PPP1R12A: variants seen among roughly 807,000 people sequenced by gnomAD.
PPP1R12A encodes myosin binding subunit.
Under a neutral mutation model 139.6 loss-of-function variants are expected in PPP1R12A, and 19 were observed. That is an observed-to-expected ratio of 0.14 (90% confidence interval 0.09 to 0.20). The LOEUF (loss-of-function observed/expected upper bound fraction) is 0.20, where lower values mean the gene tolerates loss of function less well. Among genes scored for constraint, PPP1R12A ranks in the 10% least tolerant of loss-of-function variants. The probability of loss-of-function intolerance (pLI) is 1.00; values close to 1 mark genes in which losing one functional copy is unlikely to be tolerated. For synonymous variants in PPP1R12A, 427 were observed against 420.6 expected (o/e 1.02, Z -0.19); for missense variants, 925 against 1,211.5 (o/e 0.76, Z 3.51).
intron 2 of PPP1R12A, among the ~76,000 whole-genome samples, chr12:79,866,800 A>T (rs575651814): frequency 6.6e-6 from 1 of 152,370 alleles, no homozygotes; most frequent in South Asian, 2.1e-4. Context: ...AATGGCGATC[A>T]TTAAAAAGTT....
At chr12:79,933,742 G>C (rs371879068) in intron 1 of PPP1R12A, among the ~76,000 whole-genome samples, 33 of 152,280 alleles carry the variant, frequency 2.2e-4, no homozygotes, top group African/African-American at 7.7e-4. Flanking sequence ...ATTGCCAATA[G>C]TTTCTCCTTA....
In PPP1R12A at chr12:79,806,260, T is replaced by G; in HGVS notation, c.1729A>C (p.Thr577Pro). The G allele has an allele frequency of 1.2e-6, 2 of 1,613,882 alleles. No homozygotes were observed. The highest frequency in any genetic ancestry group is 1.1e-5 in the South Asian group (1 of 91,088). Residue 577 changes from threonine (T) to proline (P), a missense_variant, in exon 13 of 25, where the codon ACC (threonine) becomes CCC (proline). Thr to Pro is a conservative substitution (Grantham distance 38, BLOSUM62 -1). Transcript: ENST00000450142. ...CTTTTCTGAAGCCCAGCTGCAGAGG[T>G]AACTGTTGGTGTTGATGTGGTGCTT... ...VPSTTSTPTV[T>P]SAAGLQKSLL...
At chr12:79,908,574 G>C (rs1459758601) in intron 1 of PPP1R12A, among the ~76,000 whole-genome samples, 1 of 152,134 alleles carries the variant, frequency 6.6e-6, no homozygotes, top group Non-Finnish European at 1.5e-5. Flanking sequence ...GAAAGCAGAA[G>C]CTAGGAGAAA....
chr12:79,853,000 A>G (rs1299598316), intron 2 of PPP1R12A, among the ~76,000 whole-genome samples: 1 of 152,188 alleles, frequency 6.6e-6, no homozygotes, highest in Non-Finnish European at 1.5e-5. Flanking sequence ...GGGAAAGGCT[A>G]GTTAACCATT....
At chr12:79,810,532 A>T (rs1874395536) in intron 9 of PPP1R12A, among the ~76,000 whole-genome samples, 1 of 152,174 alleles carries the variant, frequency 6.6e-6, no homozygotes, top group Admixed American at 6.5e-5. Flanking sequence ...TTAAAATAAG[A>T]CAGGTAAAGA....
In PPP1R12A at chr12:79,798,490, A is replaced by G. The variant is rs769509208; in HGVS notation, c.2091+4T>C. 4.6e-6 allele frequency: 7 copies of G among 1,513,680 alleles called. No homozygotes were observed. The highest frequency in any genetic ancestry group is 1.2e-5 in the South Asian group (1 of 83,270). 93.8% of individuals were successfully genotyped at this position (1,513,680 alleles called of 1,614,324 possible). Reference sequence around the variant, plus strand: ...GTTTTATATATTAATTACATTAACTATACCTGTGTTGATCTTCTAGATTGT... The same window carrying G: ...GTTTTATATATTAATTACATTAACTGTACCTGTGTTGATCTTCTAGATTGT... On this transcript the variant is annotated splice_donor_region_variant and intron_variant, in intron 15 of 24. Transcript: ENST00000450142.
intron 14 of PPP1R12A, among the ~76,000 whole-genome samples, chr12:79,804,408 C>T (rs1192655666): frequency 6.6e-6 from 1 of 151,970 alleles, no homozygotes; most frequent in African/African-American, 2.4e-5. Context: ...AAAAGTACCA[C>T]TAAATTTCAC....
At position 79,917,961 on chromosome 12, in the gene PPP1R12A, T is replaced by C. The variant is rs1345799539; in HGVS notation, c.237+16734A>G. ...ACTATTTCAGTCAATAAAAGACTTG[T>C]AGATCGTTACTACTACCACTCCTTT... On this transcript the variant is annotated intron_variant, in intron 1 of 24. Transcript: ENST00000450142. 2.0e-5 allele frequency among the ~76,000 whole-genome samples: 3 copies of C among 152,184 alleles called. No individual in the cohort carries two copies. In the East Asian group the frequency reaches 5.8e-4, roughly 29 times the overall value.
At chr12:79,909,836 C>T (rs1218412788) in intron 1 of PPP1R12A, among the ~76,000 whole-genome samples, 1 of 151,762 alleles carries the variant, frequency 6.6e-6, no homozygotes, top group Non-Finnish European at 1.5e-5. Context: ...GAGACACAGT[C>T]TCACTCTGTC....
At chr12:79,824,702 G>C (rs1876552288) in intron 5 of PPP1R12A, among the ~76,000 whole-genome samples, 1 of 151,958 alleles carries the variant, frequency 6.6e-6, no homozygotes, top group Non-Finnish European at 1.5e-5. Context: ...AACATTATTT[G>C]GTTCTTAACT....
Position 79,825,376 on chromosome 12 carries a change from A to C in PPP1R12A, c.792+2944T>G, listed in dbSNP as rs1876640253. 2.6e-5 allele frequency: 4 copies of C among 152,286 alleles called. No individual in the cohort carries two copies. The South Asian group carries it at 8.3e-4, about 32-fold the overall frequency. The allele number at this position is 152,286 out of a possible 1,614,324, so 9.4% of individuals were successfully genotyped here. ...AGTCAATATTTAAAGAAAGAACAATATTAGATACATTCTAGTAAAGCAATT... is the reference window on the plus strand; with the variant it reads ...AGTCAATATTTAAAGAAAGAACAATCTTAGATACATTCTAGTAAAGCAATT... On this transcript the variant is annotated intron_variant, in intron 5 of 24. Coordinates refer to ENST00000450142, the MANE Select transcript of PPP1R12A (RefSeq NM_002480.3).
At chr12:79,880,725 T>C (rs1372302601) in intron 1 of PPP1R12A, among the ~76,000 whole-genome samples, 1 of 152,194 alleles carries the variant, frequency 6.6e-6, no homozygotes, top group African/African-American at 2.4e-5. Context: ...GGGCCTGAGC[T>C]AAACAACCAC....
rs140198611 is a variant in PPP1R12A, at chr12:79,786,557, A to G, written c.2803-79T>C. On this transcript the variant is annotated intron_variant, in intron 21 of 24. Coordinates refer to ENST00000450142, the MANE Select transcript of PPP1R12A (RefSeq NM_002480.3). The stretch of plus-strand genomic sequence containing the variant: ...AAAATTTCTCATTGATTACTTTGCA[A>G]TATTAAAACAGCTTAATGTAGCATA... 1.5e-4 allele frequency: 137 copies of G among 892,994 alleles called. No homozygotes were observed. The African/African-American group carries it at 2.0e-3, about 13-fold the overall frequency. 55.3% of individuals were successfully genotyped at this position (892,994 alleles called of 1,614,324 possible). A position where few individuals can be genotyped will look rare whatever the true frequency, so the allele number is the denominator to read the frequency against.
At chr12:79,779,455 A>G (rs1870145462) in intron 23 of PPP1R12A, 4 of 845,998 alleles carry the variant, frequency 4.7e-6, no homozygotes, top group Non-Finnish European at 6.8e-6. Context: ...GTCAAGCAGT[A>G]CATTTACTGT....
intron 21 of PPP1R12A, chr12:79,786,770 C>T (rs904250532): frequency 5.0e-6 from 1 of 199,674 alleles, no homozygotes; most frequent in Non-Finnish European, 1.0e-5. Flanking sequence ...AAAGAGGGAC[C>T]ACATACCTGC....
At chr12:79,780,433 T>C (rs1870297129) in intron 23 of PPP1R12A, 2 of 152,100 alleles carry the variant, frequency 1.3e-5, no homozygotes, top group Non-Finnish European at 1.5e-5. Context: ...TGTCAGAGTA[T>C]GAATGTGTCT....
intron 1 of PPP1R12A, among the ~76,000 whole-genome samples, chr12:79,915,227 C>T (rs1205568089): frequency 6.6e-6 from 1 of 152,014 alleles, no homozygotes; most frequent in South Asian, 2.1e-4. Context: ...CTGTGAAGTA[C>T]GTGTGCTTGC....
At chr12:79,898,670 A>C (rs1885352684) in intron 1 of PPP1R12A, among the ~76,000 whole-genome samples, 1 of 152,128 alleles carries the variant, frequency 6.6e-6, no homozygotes, top group African/African-American at 2.4e-5. Context: ...CTACTTTTCC[A>C]TCTTCATGTT....
At chr12:79,847,611 AG>A (rs1879559204) in intron 2 of PPP1R12A, among the ~76,000 whole-genome samples, 1 of 152,178 alleles carries the variant, frequency 6.6e-6, no homozygotes, top group African/African-American at 2.4e-5. Context: ...AGGAATATAA[AG>A]GTAAACAAAA....
Sources: allele counts gnomAD v4.1 joint callset (sites outside exome capture counted in the v4.1 genomes callset), GRCh38; gene constraint gnomAD v4.1.1; transcripts MANE v1.5; gene names NCBI Gene and HGNC (gene_info 2026-07-23, HGNC 2026-07-21).